Variants in ARHGAP39 observed in about 807,000 individuals in gnomAD.
ARHGAP39 encodes the protein rho GTPase-activating protein 39.
Under a neutral mutation model 106.9 loss-of-function variants are expected in ARHGAP39, and 44 were observed. That is an observed-to-expected ratio of 0.41 (90% CI 0.32 to 0.53). ARHGAP39 has a LOEUF of 0.53. ARHGAP39 is among the 20% of genes least tolerant of loss of function. The pLI is 0.21. For synonymous variants in ARHGAP39, 768 were observed against 693.2 expected (o/e 1.11, Z -1.69); for missense variants, 1,496 against 1,577.3 (o/e 0.95, Z 0.87).
intron 1 of ARHGAP39, among the ~76,000 whole-genome samples, chr8:144,660,746 G>C (rs1418295336): frequency 6.6e-6 from 1 of 152,130 alleles, no homozygotes; most frequent in Non-Finnish European, 1.5e-5. Flanking sequence ...TTGGGAGGCC[G>C]AGGCAGGCAG....
At chr8:144,594,693 TC>T (rs1275420183) in intron 2 of ARHGAP39, among the ~76,000 whole-genome samples, 3 of 118,182 alleles carry the variant, frequency 2.5e-5, no homozygotes, top group African/African-American at 7.0e-5. Flanking sequence ...AAACGCCACC[TC>T]AAAAAAAAAA....
Position 144,633,356 on chromosome 8 carries a change from G to A in ARHGAP39, c.-81-27661C>T, listed in dbSNP as rs527814885. Among the ~76,000 whole-genome samples, 3 of 152,226 alleles carry A rather than the reference G, an allele frequency of 2.0e-5. No individual in the cohort carries two copies. The East Asian group carries it at 5.8e-4, about 29-fold the overall frequency. On this transcript the variant is annotated intron_variant, in intron 1 of 11. Coordinates refer to ENST00000377307, the MANE Select transcript of ARHGAP39 (RefSeq NM_025251.3). ...TACCTGTAATCCCAGCTACTTGGGA[G>A]GCTGAGGCAGGAGAATCGCTTGAAC...
chr8:144,659,689 G>A (rs112467489), intron 1 of ARHGAP39, among the ~76,000 whole-genome samples: 7 of 152,240 alleles, frequency 4.6e-5, no homozygotes, highest in Non-Finnish European at 7.4e-5. Context: ...TGGCTTATTC[G>A]CTGGTTCTGA....
At chr8:144,691,355 G>A in the ARHGAP39 span, among the ~76,000 whole-genome samples, 1 of 152,178 alleles carries the variant, frequency 6.6e-6, no homozygotes, top group African/African-American at 2.4e-5. Context: ...TTGGACATCT[G>A]CACCTAAAAT....
Position 144,630,095 on chromosome 8 carries a change from G to A in ARHGAP39, c.-81-24400C>T, listed in dbSNP as rs570688389. Among the ~76,000 whole-genome samples, 13 of 152,268 alleles carry A rather than the reference G, an allele frequency of 8.5e-5. 1 individual carries two copies. The South Asian group carries it at 2.5e-3, about 29-fold the overall frequency. ...CCAGATGCCAACACCAGGCATCCCA[G>A]CAACATGCTTGAGGCCCAGAGCACA... On this transcript the variant is annotated intron_variant, in intron 1 of 11. Coordinates refer to ENST00000377307, the MANE Select transcript of ARHGAP39 (RefSeq NM_025251.3).
intron 2 of ARHGAP39, among the ~76,000 whole-genome samples, chr8:144,602,268 T>C (rs1212542887): frequency 7.7e-6 from 1 of 130,450 alleles, no homozygotes; most frequent in Non-Finnish European, 1.6e-5. Flanking sequence ...CTCATGTACC[T>C]GTGTGTGTGC....
chr8:144,588,598 G>C (rs539629296), intron 2 of ARHGAP39, among the ~76,000 whole-genome samples: 1 of 152,208 alleles, frequency 6.6e-6, no homozygotes, highest in South Asian at 2.1e-4. Context: ...GGAGAAACTC[G>C]GCCCAGGGCC....
At chr8:144,693,436 C>T in the ARHGAP39 span, among the ~76,000 whole-genome samples, 11 of 151,326 alleles carry the variant, frequency 7.3e-5, no homozygotes, top group Non-Finnish European at 1.2e-4. Flanking sequence ...TGCAGTGGCG[C>T]GATCTCGGCT....
rs1035741500 is a variant in ARHGAP39 at position 144,641,556 on chromosome 8, G to A, written c.-81-35861C>T. Among the ~76,000 whole-genome samples, 3 of 152,208 alleles carry A rather than the reference G, an allele frequency of 2.0e-5. No homozygotes were observed. The highest frequency in any genetic ancestry group is 4.8e-5 in the African/African-American group (2 of 41,462). ...CCTGGCATCCCCTCAGCTCTCCTGC[G>A]TTCTGCCCATCACTCACCCCAGGAC... On this transcript the variant is annotated intron_variant, in intron 1 of 11. Coordinates refer to ENST00000377307, the MANE Select transcript of ARHGAP39 (RefSeq NM_025251.3). This position sits in a 1 kb window ranked among gnomAD's most constrained non-coding sequence, Gnocchi z 5.2.
rs1219865024 is a variant in ARHGAP39 at position 144,591,963 on chromosome 8, G to A, written c.81-10686C>T. Reference sequence around the variant, plus strand: ...GTGGTGCCTGATCTCCTGTTCTCGCGTCACTTCTGTTAGATTTTAGCAGAA... The same window carrying A: ...GTGGTGCCTGATCTCCTGTTCTCGCATCACTTCTGTTAGATTTTAGCAGAA... On this transcript the variant is annotated intron_variant, in intron 2 of 11. Transcript: ENST00000377307. This position sits in a 1 kb window ranked among gnomAD's most constrained non-coding sequence, Gnocchi z 5.3. 1.3e-5 allele frequency among the ~76,000 whole-genome samples: 2 copies of A among 152,228 alleles called. No homozygotes were observed. Among genetic ancestry groups the A allele is most frequent in the East Asian group, 1.9e-4 (1 of 5,176 alleles).
chr8:144,665,552 T>C (rs1195932909), intron 1 of ARHGAP39, among the ~76,000 whole-genome samples: 3 of 152,226 alleles, frequency 2.0e-5, no homozygotes, highest in African/African-American at 4.8e-5. Flanking sequence ...CCCTGTGCTA[T>C]GTGCAGCCTA....
Position 144,547,479 on chromosome 8 carries a change from ACG to A in ARHGAP39, c.1605_1606del (p.Val536GlufsTer6). Reference sequence around the variant, plus strand: ...TTCGGCCTCACCTTCCGCTCGCTTCACGGGGGCGAGGCTGGTCCCGCACGGGG... The same window carrying A: ...TTCGGCCTCACCTTCCGCTCGCTTCAGGGGCGAGGCTGGTCCCGCACGGGG... On this transcript the variant is annotated frameshift_variant, in exon 5 of 12. Coordinates refer to ENST00000377307, the MANE Select transcript of ARHGAP39 (RefSeq NM_025251.3). LOFTEE classifies it high-confidence loss of function. This position sits in a 1 kb window ranked among gnomAD's most constrained non-coding sequence, Gnocchi z 5.2. 6.5e-7 allele frequency: 1 copy of A among 1,537,064 alleles called. No homozygotes were observed. Among genetic ancestry groups the A allele is most frequent in the Non-Finnish European group, 8.7e-7 (1 of 1,146,024 alleles).
rs550825353 is a variant in ARHGAP39 at position 144,540,599 on chromosome 8, G to A, written c.2522-2786C>T. 9.2e-5 allele frequency among the ~76,000 whole-genome samples: 14 copies of A among 152,208 alleles called. No homozygotes were observed. In the South Asian group the frequency reaches 2.5e-3, roughly 27 times the overall value. On this transcript the variant is annotated intron_variant, in intron 6 of 11. Transcript: ENST00000377307. ...GAGAATCACTTGAGCCTAGGAGTTC[G>A]AGATCAGCCTGGCCAACATGGTGAA... is the stretch of plus-strand genomic sequence containing the variant.
At chr8:144,540,527 T>C (rs1817146699) in intron 6 of ARHGAP39, among the ~76,000 whole-genome samples, 1 of 152,228 alleles carries the variant, frequency 6.6e-6, no homozygotes. Context: ...GAGGCCAGGC[T>C]TGGTGGCTTA....
chr8:144,567,309 G>A (rs1818430825), intron 3 of ARHGAP39, among the ~76,000 whole-genome samples: 1 of 152,222 alleles, frequency 6.6e-6, no homozygotes. Flanking sequence ...ACATAGTGAG[G>A]AGTGACCAGA....
At chr8:144,555,178 C>A (rs958014546) in intron 4 of ARHGAP39, among the ~76,000 whole-genome samples, 1 of 152,272 alleles carries the variant, frequency 6.6e-6, no homozygotes, top group Non-Finnish European at 1.5e-5. Context: ...CCAAAGCCCA[C>A]CCCTCCACTG....
At chr8:144,613,620 T>C (rs1820552309) in intron 1 of ARHGAP39, among the ~76,000 whole-genome samples, 1 of 152,220 alleles carries the variant, frequency 6.6e-6, no homozygotes, top group East Asian at 1.9e-4. Flanking sequence ...CTTGCTTTTT[T>C]TTTTTCTGGC....
chr8:144,616,003 C>T (rs937118098), intron 1 of ARHGAP39, among the ~76,000 whole-genome samples: 1 of 152,252 alleles, frequency 6.6e-6, no homozygotes, highest in Non-Finnish European at 1.5e-5. Context: ...GCTTCTTCAC[C>T]TTTCTGGGAG....
intron 3 of ARHGAP39, among the ~76,000 whole-genome samples, chr8:144,557,110 T>C (rs1817957097): frequency 6.8e-6 from 1 of 146,636 alleles, no homozygotes; most frequent in Non-Finnish European, 1.5e-5. Context: ...ACCTTCATAG[T>C]ATTCAGAGGC....
Sources: allele counts gnomAD v4.1 joint callset (sites outside exome capture counted in the v4.1 genomes callset), GRCh38; gene constraint gnomAD v4.1.1; non-coding constraint Gnocchi (gnomAD v3.1); transcripts MANE v1.5; gene names NCBI Gene and HGNC (gene_info 2026-07-23, HGNC 2026-07-21).